Variants in MDGA2 observed in about 807,000 individuals in gnomAD.
The protein encoded by MDGA2 is MAM domain-containing glycosylphosphatidylinositol anchor protein 2.
MDGA2 carries 40 observed loss-of-function variants against 117.8 expected under a neutral mutation model. The observed-to-expected ratio is 0.34, with a 90% CI of 0.26 to 0.44. The LOEUF (loss-of-function observed/expected upper bound fraction) is 0.44. Ranked by LOEUF, MDGA2 falls within the 20% of genes least tolerant of loss-of-function variation. MDGA2 has a pLI of 1.00. For synonymous variants in MDGA2, 452 were observed against 439.0 expected (o/e 1.03, Z -0.37); for missense variants, 1,123 against 1,250.6 (o/e 0.90, Z 1.54).
At chr14:47,333,830 G>A (rs1890363450) in intron 1 of MDGA2, among the ~76,000 whole-genome samples, 2 of 151,768 alleles carry the variant, frequency 1.3e-5, no homozygotes, top group South Asian at 4.1e-4. Flanking sequence ...CTTGACAGAT[G>A]AGAAACAAAA....
intron 3 of MDGA2, among the ~76,000 whole-genome samples, chr14:47,212,935 C>G (rs900329677): frequency 3.9e-5 from 6 of 152,068 alleles, no homozygotes; most frequent in Non-Finnish European, 7.4e-5. Flanking sequence ...CAATCTGTCC[C>G]GGTTGCTTCT....
chr14:46,883,842 T>C lies in MDGA2; in HGVS notation c.2239-1621A>G, dbSNP rs540941216. ...TATACAATTGTGACAGATTTTTTTA[T>C]TCTCCTTAATTCAGATATATATATA... is the stretch of plus-strand genomic sequence containing the variant. On this transcript the variant is annotated intron_variant, in intron 10 of 16. Transcript: ENST00000399232. Among the ~76,000 whole-genome samples, 58 of 152,230 alleles carry C rather than the reference T, an allele frequency of 3.8e-4. 1 individual carries two copies. The highest frequency in any genetic ancestry group is 1.3e-3 in the African/African-American group (56 of 41,574).
chr14:47,306,312 C>G (rs571306288), intron 1 of MDGA2, among the ~76,000 whole-genome samples: 1 of 152,292 alleles, frequency 6.6e-6, no homozygotes, highest in Admixed American at 6.5e-5. Flanking sequence ...GTTTCTTGAT[C>G]GCCATGGAAC....
At chr14:47,253,009 T>C (rs1887499421) in intron 2 of MDGA2, among the ~76,000 whole-genome samples, 1 of 152,112 alleles carries the variant, frequency 6.6e-6, no homozygotes, top group East Asian at 1.9e-4. Flanking sequence ...AAGTCCCTTA[T>C]AAAGCATCAG....
At chr14:47,339,077 A>T (rs1261167286) in intron 1 of MDGA2, among the ~76,000 whole-genome samples, 6 of 152,098 alleles carry the variant, frequency 3.9e-5, no homozygotes, top group Admixed American at 3.9e-4. Context: ...ACTAATAATA[A>T]ATTTGTATCT....
chr14:47,644,121 A>C (rs1897480101), intron 1 of MDGA2, among the ~76,000 whole-genome samples: 1 of 152,178 alleles, frequency 6.6e-6, no homozygotes, highest in Non-Finnish European at 1.5e-5. Context: ...ACATACTAGA[A>C]TCTGGCTGTG....
chr14:46,953,610 CT>C lies in MDGA2; in HGVS notation c.2089+3763del, dbSNP rs1182148443. ...AAAAAAGCTAAATATAAAAACTATG[CT>C]TTTTTTCACATTATTGTCTTGCCTG... On this transcript the variant is annotated intron_variant, in intron 9 of 16. Transcript: ENST00000399232. 5.4e-5 allele frequency among the ~76,000 whole-genome samples: 8 copies of C among 148,618 alleles called. No individual in the cohort carries two copies. The South Asian group carries it at 1.3e-3, about 23-fold the overall frequency.
At chr14:47,262,701 G>C (rs1439240529) in intron 2 of MDGA2, among the ~76,000 whole-genome samples, 1 of 152,144 alleles carries the variant, frequency 6.6e-6, no homozygotes, top group African/African-American at 2.4e-5. Flanking sequence ...ATACAGAACA[G>C]GAAAGTTAAG....
chr14:46,912,977 T>G (rs1883762613), intron 10 of MDGA2, among the ~76,000 whole-genome samples: 1 of 152,130 alleles, frequency 6.6e-6, no homozygotes. Context: ...GAGAGACCAT[T>G]TACAAAATGG....
chr14:47,163,193 C>T (rs1188286332), intron 3 of MDGA2, among the ~76,000 whole-genome samples: 1 of 152,158 alleles, frequency 6.6e-6, no homozygotes, highest in Non-Finnish European at 1.5e-5. Context: ...GGTGAAGAGG[C>T]AGACTAGCCT....
intron 9 of MDGA2, among the ~76,000 whole-genome samples, chr14:46,939,502 T>A (rs2138576345): frequency 6.6e-6 from 1 of 152,296 alleles, no homozygotes; most frequent in Middle Eastern, 3.4e-3. Flanking sequence ...CAGAACACTG[T>A]TCATAGAAAA....
chr14:47,213,240 G>C (rs975847473), intron 3 of MDGA2, among the ~76,000 whole-genome samples: 1 of 152,130 alleles, frequency 6.6e-6, no homozygotes, highest in African/African-American at 2.4e-5. Context: ...TTTTCCTTCA[G>C]AATTTCAAAA....
In MDGA2 at chr14:47,097,027, G is replaced by A. The variant is rs752549883; in HGVS notation, c.1022C>T (p.Ala341Val). Residue 341 changes from alanine (A) to valine (V), a missense_variant, in exon 6 of 17, where the codon GCA (alanine) becomes GTA (valine). Transcript: ENST00000399232. ...GGACCTGACCCAGGTGAGAGAAGGT[G>A]CAGGCTCTCCTCCTGTTGTAACACA... is the stretch of plus-strand genomic sequence containing the variant. ...LVCVTTGGEP[A>V]PSLTWVRSFG... is the part of the protein sequence containing the mutation. The A allele has an allele frequency of 6.2e-7, 1 of 1,613,230 alleles. No homozygotes were observed. Among genetic ancestry groups the A allele is most frequent in the Non-Finnish European group, 8.5e-7 (1 of 1,179,496 alleles).
At chr14:47,268,358 A>C (rs1342467593) in intron 2 of MDGA2, among the ~76,000 whole-genome samples, 2 of 152,188 alleles carry the variant, frequency 1.3e-5, no homozygotes, top group Non-Finnish European at 2.9e-5. Flanking sequence ...TATAGGCATG[A>C]GCCAGTGCGC....
intron 4 of MDGA2, among the ~76,000 whole-genome samples, chr14:47,134,667 A>C (rs529900066): frequency 6.6e-6 from 1 of 151,966 alleles, no homozygotes. Flanking sequence ...ATAGATATTG[A>C]TGATATATAG....
intron 3 of MDGA2, among the ~76,000 whole-genome samples, chr14:47,168,870 C>G (rs1884001405): frequency 6.6e-6 from 1 of 151,996 alleles, no homozygotes; most frequent in Non-Finnish European, 1.5e-5. Context: ...TGACTGGGAA[C>G]TAAATCACCT....
At chr14:47,222,208 A>C (rs547395372) in intron 2 of MDGA2, among the ~76,000 whole-genome samples, 1 of 152,244 alleles carries the variant, frequency 6.6e-6, no homozygotes, top group South Asian at 2.1e-4. Flanking sequence ...GAAAATTGGA[A>C]GCCAAGATGG....
intron 1 of MDGA2, among the ~76,000 whole-genome samples, chr14:47,578,882 C>T (rs1896176218): frequency 1.3e-5 from 2 of 152,066 alleles, no homozygotes; most frequent in Non-Finnish European, 2.9e-5. Flanking sequence ...ACATTTTGTA[C>T]TGCAATGAAT....
intron 8 of MDGA2, among the ~76,000 whole-genome samples, chr14:47,021,412 A>ATT (rs1888281724): frequency 6.6e-6 from 1 of 152,312 alleles, no homozygotes; most frequent in Non-Finnish European, 1.5e-5. Context: ...AAATTTTGTC[A>ATT]TTATATATAG....
Sources: gnomAD v4.1 joint callset for allele counts (sites outside exome capture counted in the v4.1 genomes callset) on GRCh38, gnomAD v4.1.1 for gene constraint, MANE v1.5 for transcripts, NCBI Gene and HGNC (gene_info 2026-07-23, HGNC 2026-07-21) for gene names.